CCSER2: variants seen among roughly 807,000 people sequenced by gnomAD.
CCSER2 encodes the protein serine-rich coiled-coil domain-containing protein 2.
In CCSER2, 46 loss-of-function variants were observed where a neutral mutation model predicts 92.3. The ratio of observed to expected loss-of-function variants is 0.50; its 90% CI spans 0.39 to 0.64. The LOEUF (loss-of-function observed/expected upper bound fraction) is 0.64. CCSER2 is among the 30% of genes least tolerant of loss of function. The pLI is 0.00. For synonymous variants in CCSER2, 433 were observed against 431.4 expected (o/e 1.00, Z -0.04); for missense variants, 1,244 against 1,238.9 (o/e 1.00, Z -0.06).
chr10:84,366,246 G>A (rs1021418208), intron 1 of CCSER2, among the ~76,000 whole-genome samples: 6 of 151,962 alleles, frequency 3.9e-5, no homozygotes, highest in African/African-American at 1.5e-4. Flanking sequence ...GCCCGGCCTC[G>A]GAATCCTTTT....
chr10:84,516,169 A>C lies in CCSER2; in HGVS notation c.*1902A>C, dbSNP rs188184942. ...AGTCTTTTAGTAGAAATTTGAAAGAAGTGTTTGCTACCATTTTGACCCATT... is the reference window on the plus strand; with the variant it reads ...AGTCTTTTAGTAGAAATTTGAAAGACGTGTTTGCTACCATTTTGACCCATT... On this transcript the variant is annotated 3_prime_UTR_variant, in exon 10 of 10. Transcript: ENST00000372088. 9.8e-5 allele frequency: 15 copies of C among 152,356 alleles called. No homozygotes were observed. The highest frequency in any genetic ancestry group is 8.5e-4 in the Admixed American group (13 of 15,306). 9.4% of individuals were successfully genotyped at this position (152,356 alleles called of 1,614,324 possible).
At chr10:84,359,383 C>T (rs1336797519) in intron 1 of CCSER2, among the ~76,000 whole-genome samples, 2 of 152,026 alleles carry the variant, frequency 1.3e-5, no homozygotes, top group East Asian at 1.9e-4. Flanking sequence ...AAACTAATTA[C>T]GATAATAGGG....
intron 3 of CCSER2, among the ~76,000 whole-genome samples, chr10:84,377,596 G>T (rs1846408071): frequency 6.6e-6 from 1 of 152,088 alleles, no homozygotes. Context: ...TCTTTTCCAA[G>T]ATTTCTGTAG....
chr10:84,340,557 A>G (rs753121961), intron 1 of CCSER2, among the ~76,000 whole-genome samples: 29 of 152,168 alleles, frequency 1.9e-4, no homozygotes, highest in African/African-American at 4.1e-4. Context: ...TTTCATGAGC[A>G]AATAATGAGA....
At chr10:84,508,940 T>G (rs947053810) in intron 9 of CCSER2, among the ~76,000 whole-genome samples, 4 of 152,216 alleles carry the variant, frequency 2.6e-5, no homozygotes, top group African/African-American at 9.6e-5. Context: ...TATTTAATTA[T>G]TAGAATTTTC....
intron 1 of CCSER2, among the ~76,000 whole-genome samples, chr10:84,343,816 C>T (rs956911058): frequency 3.3e-5 from 5 of 152,094 alleles, no homozygotes; most frequent in Non-Finnish European, 7.4e-5. Context: ...TTGCAGGTAA[C>T]GTTTGGTGCT....
chr10:84,333,501 T>C (rs1389888471), intron 1 of CCSER2, among the ~76,000 whole-genome samples: 3 of 152,196 alleles, frequency 2.0e-5, no homozygotes, highest in African/African-American at 7.2e-5. Flanking sequence ...AGATGCTATT[T>C]CAAAAGTATT....
rs928335182 is a variant in CCSER2, at chr10:84,373,762, A to G, written c.1561A>G (p.Ile521Val). 1.9e-6 allele frequency: 3 copies of G among 1,613,806 alleles called. No homozygotes were observed. In the Admixed American group the frequency reaches 5.0e-5, roughly 27 times the overall value. ...GTGGGATGAAGAAGGCTTGGAACCC[A>G]TTGGAAATGTCCATCCAGTTGGGAG... ...YMWDEEGLEP[I>V]GNVHPVGSYE... Residue 521 changes from isoleucine (I) to valine (V), a missense_variant, in exon 3 of 10, where the codon ATT becomes GTT. Coordinates refer to ENST00000372088, the MANE Select transcript of CCSER2 (RefSeq NM_001284240.2).
rs183895581 is a variant in CCSER2 at position 84,480,547 on chromosome 10, A to G, written c.2325+2883A>G. ...AGCATGAAAAAATAGAATACTAAGAATACTTTATGAGTAACCTGAGGCCAA... is the reference window on the plus strand; with the variant it reads ...AGCATGAAAAAATAGAATACTAAGAGTACTTTATGAGTAACCTGAGGCCAA... On this transcript the variant is annotated intron_variant, in intron 9 of 9. Coordinates refer to ENST00000372088, the MANE Select transcript of CCSER2 (RefSeq NM_001284240.2). Among the ~76,000 whole-genome samples the G allele has an allele frequency of 4.5e-4, 68 of 152,314 alleles. 2 individuals carry two copies. The highest frequency in any genetic ancestry group is 1.5e-3 in the African/African-American group (64 of 41,556).
intron 2 of CCSER2, 58 bp downstream of exon 2, chr10:84,372,527 A>G: frequency 1.0e-6 from 1 of 979,726 alleles, no homozygotes; most frequent in Non-Finnish European, 1.5e-6. Context: ...AACTGAACTT[A>G]CATTTAGGAT....
intron 6 of CCSER2, among the ~76,000 whole-genome samples, chr10:84,443,671 T>G (rs747179225): frequency 4.6e-5 from 7 of 152,198 alleles, no homozygotes; most frequent in Non-Finnish European, 8.8e-5. Flanking sequence ...TAAATCATTT[T>G]ACTATAAAGA....
At chr10:84,403,836 G>T (rs767304040) in intron 3 of CCSER2, among the ~76,000 whole-genome samples, 7 of 152,188 alleles carry the variant, frequency 4.6e-5, no homozygotes, top group Non-Finnish European at 7.3e-5. Context: ...AAATGGTTCA[G>T]CTGGAAAAAA....
chr10:84,349,481 A>T (rs957210817), intron 1 of CCSER2, among the ~76,000 whole-genome samples: 1 of 151,884 alleles, frequency 6.6e-6, no homozygotes, highest in Non-Finnish European at 1.5e-5. Context: ...AGCCTGGGCA[A>T]CATACTGAGA....
intron 5 of CCSER2, among the ~76,000 whole-genome samples, chr10:84,428,356 C>T (rs1189147835): frequency 6.6e-6 from 1 of 152,152 alleles, no homozygotes; most frequent in African/African-American, 2.4e-5. Context: ...GGTTCGTGCT[C>T]CTATGAGAAT....
chr10:84,461,701 C>A (rs1020753705), intron 6 of CCSER2, among the ~76,000 whole-genome samples: 1 of 151,152 alleles, frequency 6.6e-6, no homozygotes, highest in African/African-American at 2.4e-5. Context: ...TTTGTAGTCC[C>A]TTCAAGAGTT....
chr10:84,378,787 G>A lies in CCSER2; in HGVS notation c.1614+4972G>A, dbSNP rs1228374615. Among the ~76,000 whole-genome samples, 5 of 152,124 alleles carry A rather than the reference G, an allele frequency of 3.3e-5. No individual in the cohort carries two copies. The East Asian group carries it at 9.7e-4, about 29-fold the overall frequency. ...GGGTCTGTCTCTTTTTGTCCAGTCT[G>A]GCCTTGAACTCCTGGGCTGAAGTAA... On this transcript the variant is annotated intron_variant, in intron 3 of 9. Transcript: ENST00000372088.
chr10:84,381,922 A>G (rs1840931765), intron 3 of CCSER2, among the ~76,000 whole-genome samples: 1 of 150,334 alleles, frequency 6.7e-6, no homozygotes, highest in South Asian at 2.1e-4. Context: ...TTTCTCAAAA[A>G]AAAAAAAAAA....
At chr10:84,393,530 T>C (rs1841649124) in intron 3 of CCSER2, among the ~76,000 whole-genome samples, 1 of 152,112 alleles carries the variant, frequency 6.6e-6, no homozygotes, top group South Asian at 2.1e-4. Context: ...TAATGCAGGG[T>C]TCCTACGCTG....
At chr10:84,380,562 A>G (rs1840843704) in intron 3 of CCSER2, among the ~76,000 whole-genome samples, 1 of 152,122 alleles carries the variant, frequency 6.6e-6, no homozygotes, top group South Asian at 2.1e-4. Context: ...TCCTAAGGCC[A>G]TAGAGGTATT....
Sources: allele counts gnomAD v4.1 joint callset (sites outside exome capture counted in the v4.1 genomes callset), GRCh38; gene constraint gnomAD v4.1.1; transcripts MANE v1.5; gene names NCBI Gene and HGNC (gene_info 2026-07-23, HGNC 2026-07-21).